The following TBC1D5 variants were observed in gnomAD, a reference collection of about 807,000 sequenced individuals.
The protein encoded by TBC1D5 is TBC1 domain family, member 5.
TBC1D5 carries 75 observed loss-of-function variants against 100.3 expected under a neutral mutation model. The observed-to-expected ratio is 0.75, with a 90% CI of 0.62 to 0.91. The LOEUF is 0.91. Ranked by LOEUF, TBC1D5 falls within the 40% of genes least tolerant of loss-of-function variation. The pLI is 0.00. For synonymous variants in TBC1D5, 323 were observed against 325.6 expected (o/e 0.99, Z 0.09); for missense variants, 910 against 942.4 (o/e 0.97, Z 0.45).
At chr3:17,389,400 C>T (rs2093280202) in intron 8 of TBC1D5, among the ~76,000 whole-genome samples, 1 of 152,084 alleles carries the variant, frequency 6.6e-6, no homozygotes, top group Non-Finnish European at 1.5e-5. Flanking sequence ...GTATGTGCTG[C>T]CCTTAGTGAC....
At chr3:17,388,540 T>A (rs1399750857) in intron 8 of TBC1D5, among the ~76,000 whole-genome samples, 1 of 151,914 alleles carries the variant, frequency 6.6e-6, no homozygotes, top group Non-Finnish European at 1.5e-5. Flanking sequence ...CTCTAAAAGA[T>A]AAGCACTCTT....
chr3:17,691,461 T>G (rs1171198588), intron 1 of TBC1D5, among the ~76,000 whole-genome samples: 1 of 152,178 alleles, frequency 6.6e-6, no homozygotes, highest in Non-Finnish European at 1.5e-5. Context: ...AATTCCATAT[T>G]TAAAGCATTC....
chr3:17,341,794 A>C (rs2088994221), intron 13 of TBC1D5, among the ~76,000 whole-genome samples: 2 of 152,192 alleles, frequency 1.3e-5, no homozygotes, highest in Non-Finnish European at 2.9e-5. Context: ...TGCAGTATGA[A>C]TTAACAATAC....
intron 1 of TBC1D5, among the ~76,000 whole-genome samples, chr3:17,736,914 G>A (rs560525641): frequency 6.6e-6 from 1 of 152,296 alleles, no homozygotes; most frequent in African/African-American, 2.4e-5. Flanking sequence ...TCAGGAGGCT[G>A]AGGCAGGAGA....
chr3:17,459,614 G>A (rs1197453309), intron 3 of TBC1D5, among the ~76,000 whole-genome samples: 2 of 152,112 alleles, frequency 1.3e-5, no homozygotes, highest in Non-Finnish European at 2.9e-5. Context: ...GGCTGGGTGA[G>A]GGGCTGGATG....
intron 1 of TBC1D5, among the ~76,000 whole-genome samples, chr3:17,665,614 G>T (rs1445105775): frequency 1.3e-5 from 2 of 152,072 alleles, no homozygotes; most frequent in Non-Finnish European, 2.9e-5. Flanking sequence ...CTGCAGCTGT[G>T]CACCGGGTTA....
chr3:17,308,249 T>C lies in TBC1D5; in HGVS notation c.996-115A>G, dbSNP rs1487394502. ...CTGAACACAGTGAGCAAATATTATA[T>C]ATCAAAAATATAATATAGTAAAATC... On this transcript the variant is annotated intron_variant, in intron 13 of 21. Transcript: ENST00000253692. 6 of 970,454 alleles carry C rather than the reference T, an allele frequency of 6.2e-6. No homozygotes were observed. The East Asian group carries it at 1.6e-4, about 25-fold the overall frequency. The allele number at this position is 970,454 out of a possible 1,614,324, so 60.1% of individuals were successfully genotyped here. A position where few individuals can be genotyped will look rare whatever the true frequency, so the allele number is the denominator to read the frequency against.
At chr3:17,630,131 G>A (rs141528354) in intron 1 of TBC1D5, among the ~76,000 whole-genome samples, 1 of 152,136 alleles carries the variant, frequency 6.6e-6, no homozygotes, top group Admixed American at 6.6e-5. Flanking sequence ...ACCTTAAGAG[G>A]AGGAAGTTCT....
intron 2 of TBC1D5, among the ~76,000 whole-genome samples, chr3:17,510,770 T>C (rs2095895414): frequency 6.6e-6 from 1 of 152,028 alleles, no homozygotes; most frequent in South Asian, 2.1e-4. Context: ...ACAATGAATA[T>C]ATGCCAAAAA....
chr3:17,704,889 T>C (rs2073822243), intron 1 of TBC1D5, among the ~76,000 whole-genome samples: 1 of 94,502 alleles, frequency 1.1e-5, no homozygotes, highest in African/African-American at 4.4e-5. Flanking sequence ...CCCCCCAACC[T>C]CCCTCCCGGA....
At chr3:17,444,393 G>A (rs1342438556) in intron 3 of TBC1D5, among the ~76,000 whole-genome samples, 1 of 151,854 alleles carries the variant, frequency 6.6e-6, no homozygotes, top group Non-Finnish European at 1.5e-5. Context: ...TTATTTCATT[G>A]TATTATATGA....
intron 1 of TBC1D5, among the ~76,000 whole-genome samples, chr3:17,722,589 G>T (rs1427711592): frequency 2.0e-5 from 3 of 152,168 alleles, no homozygotes; most frequent in Admixed American, 6.5e-5. Flanking sequence ...CAATTTTTAA[G>T]TTGCAATATC....
chr3:17,578,191 T>C (rs933511684), intron 2 of TBC1D5, among the ~76,000 whole-genome samples: 3 of 152,094 alleles, frequency 2.0e-5, no homozygotes, highest in African/African-American at 7.2e-5. Flanking sequence ...ATAAATTAAG[T>C]ACCGTTTTGT....
intron 2 of TBC1D5, among the ~76,000 whole-genome samples, chr3:17,529,207 C>G (rs934502459): frequency 1.3e-5 from 2 of 152,216 alleles, no homozygotes; most frequent in Non-Finnish European, 2.9e-5. Flanking sequence ...AGCCACCAAC[C>G]TGGCTCAGTC....
intron 15 of TBC1D5, among the ~76,000 whole-genome samples, 182 bp downstream of exon 15, chr3:17,291,713 G>A (rs2081762208): frequency 1.3e-5 from 2 of 152,186 alleles, no homozygotes; most frequent in African/African-American, 4.8e-5. Flanking sequence ...TACCTAATTT[G>A]CCTGTTGAGT....
At chr3:17,742,212 G>A (rs1410109489), upstream of TBC1D5, among the ~76,000 whole-genome samples, 3 of 152,168 alleles carry the variant, frequency 2.0e-5, no homozygotes, top group East Asian at 3.9e-4. Flanking sequence ...CACCCCTCCC[G>A]CCATCCACCC....
intron 9 of TBC1D5, among the ~76,000 whole-genome samples, chr3:17,380,785 G>A (rs2092915243): frequency 6.6e-6 from 1 of 152,016 alleles, no homozygotes; most frequent in Non-Finnish European, 1.5e-5. Flanking sequence ...TAAGGCATCA[G>A]GCAGTCAAAG....
chr3:17,511,001 A>G (rs1292896435), intron 2 of TBC1D5, among the ~76,000 whole-genome samples: 2 of 151,966 alleles, frequency 1.3e-5, no homozygotes, highest in African/African-American at 4.8e-5. Context: ...TTTGGCTCTA[A>G]ATAAGTCAGT....
At chr3:17,689,261 C>T (rs936223948) in intron 1 of TBC1D5, among the ~76,000 whole-genome samples, 2 of 152,048 alleles carry the variant, frequency 1.3e-5, no homozygotes, top group Non-Finnish European at 2.9e-5. Context: ...CAACAAAGTC[C>T]GGGCACAATG....
Sources: gnomAD v4.1 joint callset for allele counts (sites outside exome capture counted in the v4.1 genomes callset) on GRCh38, gnomAD v4.1.1 for gene constraint, MANE v1.5 for transcripts, NCBI Gene and HGNC (gene_info 2026-07-23, HGNC 2026-07-21) for gene names.